Variants in PAPLN observed in about 807,000 individuals in gnomAD.
PAPLN encodes papilin, proteoglycan like sulfated glycoprotein.
Under a neutral mutation model 159.0 loss-of-function variants are expected in PAPLN, and 146 were observed. The observed-to-expected ratio is 0.92, with a 90% CI of 0.80 to 1.05. The LOEUF is 1.05. Among genes scored for constraint, PAPLN ranks in the 50% least tolerant of loss-of-function variants. The pLI is 0.00. For missense variants in PAPLN, 1,720 were observed against 1,743.9 expected, an observed-to-expected ratio of 0.99 and a Z score of 0.24; for synonymous variants, 734 against 702.9, an observed-to-expected ratio of 1.04 and a Z score of -0.70.
chr14:73,258,618 T>TAAAAAAAAAAAAAA lies in PAPLN; in HGVS notation c.1628-354_1628-341dup, dbSNP rs57126237. On this transcript the variant is annotated intron_variant, in intron 14 of 26. Coordinates refer to ENST00000644200, the MANE Select transcript of PAPLN (RefSeq NM_001365906.3). ...GGGCAATATAGAAAGACCCTATCTC[T>TAAAAAAAAAAAAAA]AAAAAAAAAAAAAAAAAAAAGTAGT... is the stretch of plus-strand genomic sequence containing the variant. Among the ~76,000 whole-genome samples, 14 of 75,760 alleles carry TAAAAAAAAAAAAAA rather than the reference T, an allele frequency of 1.8e-4. 2 individuals carry two copies. Among genetic ancestry groups the TAAAAAAAAAAAAAA allele is most frequent in the East Asian group, 6.7e-4 (1 of 1,486 alleles). 49.7% of individuals were successfully genotyped at this position (75,760 alleles called of 152,430 possible).
Position 73,253,801 on chromosome 14 carries a change from G to T in PAPLN, c.1142G>T (p.Gly381Val). 6.2e-7 allele frequency: 1 copy of T among 1,610,344 alleles called. No homozygotes were observed. The highest frequency in any genetic ancestry group is 8.5e-7 in the Non-Finnish European group (1 of 1,177,352). ...CCCTGCTCAGCCTCCTGTGGAGGAG[G>T]CTCCCAGTCCCGCTCCGTGTACTGC... is the stretch of plus-strand genomic sequence containing the variant. ...WAPCSASCGG[G>V]SQSRSVYCIS... The change falls in exon 12 of 27, where the codon GGC becomes GTC. Residue 381 changes from glycine (G) to valine (V), a missense_variant. Transcript: ENST00000644200.
chr14:73,261,526 G>A (rs892036373), intron 18 of PAPLN, among the ~76,000 whole-genome samples: 1 of 152,246 alleles, frequency 6.6e-6, no homozygotes, highest in Non-Finnish European at 1.5e-5. Context: ...GGGGAGGGTG[G>A]GAGGTGGGGA....
intron 18 of PAPLN, among the ~76,000 whole-genome samples, chr14:73,261,504 C>T (rs1044524126): frequency 1.3e-4 from 20 of 152,224 alleles, no homozygotes; most frequent in African/African-American, 4.6e-4. Context: ...CTTCTGGCTG[C>T]TTCTGGGAAC....
chr14:73,247,454 CTCTG>C, intron 5 of PAPLN, among the ~76,000 whole-genome samples: 1 of 152,284 alleles, frequency 6.6e-6, no homozygotes, highest in South Asian at 2.1e-4. Context: ...CTTATATTCT[CTCTG>C]TGTGTGTGTG....
Position 73,245,681 on chromosome 14 carries a change from C to A in PAPLN, c.216C>A (p.Arg72=). The A allele has an allele frequency of 6.4e-7, 1 of 1,553,432 alleles. No homozygotes were observed. The highest frequency in any genetic ancestry group is 8.7e-7 in the Non-Finnish European group (1 of 1,151,912). Residue 72 remains arginine, a synonymous_variant, in exon 4 of 27, where the codon CGC becomes CGA. Coordinates refer to ENST00000644200, the MANE Select transcript of PAPLN (RefSeq NM_001365906.3). This position sits in a 1 kb window ranked among gnomAD's most constrained non-coding sequence, Gnocchi z 4.2. ...SSCVGPARSH[R]SCRTESCPDG... is the part of the protein sequence containing the mutation. ...GCGTGGGCCCCGCCCGGAGCCACCG[C>A]TCTTGTCGCACGGAGGTAAAGCTCA...
chr14:73,246,224 T>C (rs1312739545), intron 5 of PAPLN, 49 bp downstream of exon 5: 2 of 1,437,806 alleles, frequency 1.4e-6, no homozygotes, highest in Non-Finnish European at 9.3e-7. Flanking sequence ...TATACCTACG[T>C]TGATGCCACA....
chr14:73,254,727 T>C (rs1594803822), intron 13 of PAPLN, 32 bp downstream of exon 13: 2 of 1,605,760 alleles, frequency 1.2e-6, no homozygotes, highest in Non-Finnish European at 1.7e-6. Context: ...ACCTGCTGCC[T>C]GACCCTGGTC....
At position 73,262,226 on chromosome 14, in the gene PAPLN, A is replaced by C. The variant is rs553810864; in HGVS notation, c.2246-124A>C. ...CCAGGGCCAGGTCAGGCCCCCAGAC[A>C]GGGGTGTAGACATGCTTTATAAGTG... On this transcript the variant is annotated intron_variant, in intron 18 of 26. Coordinates refer to ENST00000644200, the MANE Select transcript of PAPLN (RefSeq NM_001365906.3). 3 of 971,802 alleles carry C rather than the reference A, an allele frequency of 3.1e-6. No individual in the cohort carries two copies. The East Asian group carries it at 7.3e-5, about 24-fold the overall frequency. 60.2% of individuals were successfully genotyped at this position (971,802 alleles called of 1,614,324 possible).
Position 73,252,276 on chromosome 14 carries a change from T to G in PAPLN, c.967+135T>G, listed in dbSNP as rs1285827523. ...TGGACAAGTAGGCGAGAAATCTCTG[T>G]GTTATGGGGGTCGCTTTGAGGAAAA... On this transcript the variant is annotated intron_variant, in intron 10 of 26. Transcript: ENST00000644200. The G allele has an allele frequency of 3.0e-6, 4 of 1,342,834 alleles. No individual in the cohort carries two copies. The African/African-American group carries it at 4.4e-5, about 15-fold the overall frequency. The allele number at this position is 1,342,834 out of a possible 1,614,324, so 83.2% of individuals were successfully genotyped here. A position where few individuals can be genotyped will look rare whatever the true frequency, so the allele number is the denominator to read the frequency against.
At chr14:73,256,213 G>T (rs1345087441) in intron 14 of PAPLN, among the ~76,000 whole-genome samples, 1 of 152,108 alleles carries the variant, frequency 6.6e-6, no homozygotes, top group Non-Finnish European at 1.5e-5. Flanking sequence ...CTGTCCCAGG[G>T]ACTAGCAGGA....
chr14:73,271,379 GGA>G, intron 26 of PAPLN, among the ~76,000 whole-genome samples: 1 of 152,272 alleles, frequency 6.6e-6, no homozygotes, highest in South Asian at 2.1e-4. Flanking sequence ...GTAAACAAGG[GGA>G]GAGAGAAAGA....
intron 5 of PAPLN, among the ~76,000 whole-genome samples, chr14:73,248,903 G>A (rs1443444932): frequency 6.6e-6 from 1 of 152,222 alleles, no homozygotes; most frequent in Non-Finnish European, 1.5e-5. Context: ...GGCTGAGGCA[G>A]GAGGATCATT....
At chr14:73,237,897 C>A (rs1381395025) in intron 1 of PAPLN, among the ~76,000 whole-genome samples, 1 of 152,182 alleles carries the variant, frequency 6.6e-6, no homozygotes, top group African/African-American at 2.4e-5. Context: ...CCGCTCCCGG[C>A]GCGTGGTACA....
chr14:73,250,107 G>A lies in PAPLN; in HGVS notation c.458G>A (p.Ser153Asn). The A allele has an allele frequency of 1.2e-6, 2 of 1,607,698 alleles. No individual in the cohort carries two copies. Among genetic ancestry groups the A allele is most frequent in the Non-Finnish European group, 1.7e-6 (2 of 1,177,248 alleles). Residue 153 changes from serine (S) to asparagine (N), a missense_variant, in exon 6 of 27, where the codon AGC becomes AAC. Coordinates refer to ENST00000644200, the MANE Select transcript of PAPLN (RefSeq NM_001365906.3). ...AAGAGGGATGTCTGTGTGGATGGCA[G>A]CTGCCGGGTGAGTGGTGCCCCAGCC... Reference protein sequence around the residue: ...PGKRDVCVDGSCRVVGCDHEL... With the variant: ...PGKRDVCVDGNCRVVGCDHEL...
intron 3 of PAPLN, 127 bp downstream of exon 3, chr14:73,244,886 G>T (rs1884023802): frequency 2.9e-6 from 2 of 680,348 alleles, no homozygotes; most frequent in East Asian, 5.8e-5. Flanking sequence ...CCAAGGAGCA[G>T]ATTCATTCTG....
Position 73,246,067 on chromosome 14 carries a change from C to T in PAPLN, c.232-6C>T, listed in dbSNP as rs1183216421. ...CCTGGATCCCGACTTCCCCTCCGCC[C>T]CGCAGAGCTGCCCCGACGGCGCCCG... is the stretch of plus-strand genomic sequence containing the variant. On this transcript the variant is annotated splice_polypyrimidine_tract_variant and splice_region_variant and intron_variant, in intron 4 of 26. Coordinates refer to ENST00000644200, the MANE Select transcript of PAPLN (RefSeq NM_001365906.3). 6.5e-7 allele frequency: 1 copy of T among 1,536,128 alleles called. No homozygotes were observed. The highest frequency in any genetic ancestry group is 8.7e-7 in the Non-Finnish European group (1 of 1,145,636).
rs1296778158 is a variant in PAPLN at position 73,264,734 on chromosome 14, C to T, written c.3125+8C>T. Reference sequence around the variant, plus strand: ...CCCACAGCCTGCAAACAGGTAAGAACTCAGCAATGCCATCTTGCCCTCCCC... The same window carrying T: ...CCCACAGCCTGCAAACAGGTAAGAATTCAGCAATGCCATCTTGCCCTCCCC... On this transcript the variant is annotated splice_region_variant and intron_variant, in intron 22 of 26. Transcript: ENST00000644200. 4 of 1,612,480 alleles carry T rather than the reference C, an allele frequency of 2.5e-6. No individual in the cohort carries two copies. The highest frequency in any genetic ancestry group is 3.4e-6 in the Non-Finnish European group (4 of 1,179,722).
In PAPLN at chr14:73,239,800, C is replaced by T; in HGVS notation, c.22C>T (p.Pro8Ser). 6.3e-7 allele frequency: 1 copy of T among 1,594,410 alleles called. No homozygotes were observed. Among genetic ancestry groups the T allele is most frequent in the Non-Finnish European group, 8.5e-7 (1 of 1,176,262 alleles). The change falls in exon 2 of 27, where the codon CCG (proline) becomes TCG (serine). Residue 8 changes from proline (P) to serine (S), a missense_variant. Physicochemically the swap from Pro to Ser is moderately conservative, Grantham distance 74 (BLOSUM62 -1). Transcript: ENST00000644200. ...TGAGATGCGGCTGCTCCTGCTCGTGCCGCTGCTGCTGGCTCCAGCGCCCGG... is the reference window on the plus strand; with the variant it reads ...TGAGATGCGGCTGCTCCTGCTCGTGTCGCTGCTGCTGGCTCCAGCGCCCGG... MRLLLLV[P>S]LLLAPAPGSS...
intron 6 of PAPLN, 44 bp from the exon 7 acceptor site, chr14:73,250,863 G>A (rs1183938392): frequency 6.4e-7 from 1 of 1,566,744 alleles, no homozygotes; most frequent in Non-Finnish European, 8.6e-7. Flanking sequence ...GGCCTGATGT[G>A]GCCATGATGC....
Sources: allele counts gnomAD v4.1 joint callset (sites outside exome capture counted in the v4.1 genomes callset), GRCh38; gene constraint gnomAD v4.1.1; non-coding constraint Gnocchi (gnomAD v3.1); transcripts MANE v1.5; gene names NCBI Gene and HGNC (gene_info 2026-07-23, HGNC 2026-07-21).